Variants in PHF14 observed in about 807,000 individuals in gnomAD.
PHF14 encodes the protein PHD finger protein 14.
Under a neutral mutation model 117.9 loss-of-function variants are expected in PHF14, and 55 were observed. The ratio of observed to expected loss-of-function variants is 0.47; its 90% CI spans 0.38 to 0.58. PHF14 has a LOEUF of 0.58. Ranked by LOEUF, PHF14 falls within the 20% of genes least tolerant of loss-of-function variation. PHF14 has a pLI of 0.00. For synonymous variants in PHF14, 409 were observed against 368.6 expected, an observed-to-expected ratio of 1.11 and a Z score of -1.26; for missense variants, 978 against 1,122.2, an observed-to-expected ratio of 0.87 and a Z score of 1.84.
At chr7:10,992,641 C>T (rs1233155457) in intron 4 of PHF14, among the ~76,000 whole-genome samples, 2 of 151,848 alleles carry the variant, frequency 1.3e-5, no homozygotes, top group Non-Finnish European at 2.9e-5. Flanking sequence ...CCAGCCTGGG[C>T]GACAGAGGAA....
intron 17 of PHF14, among the ~76,000 whole-genome samples, chr7:11,122,352 T>TATATATATATATATATATATACACAC: frequency 1.3e-3 from 84 of 65,782 alleles, no homozygotes; most frequent in African/African-American, 3.1e-3. Flanking sequence ...TATATATATA[T>TATATATATATATATATATATACACAC]ACACACACAC....
intron 13 of PHF14, among the ~76,000 whole-genome samples, chr7:11,050,238 TTTGAAAA>T (rs1477653694): frequency 8.5e-5 from 13 of 152,166 alleles, no homozygotes; most frequent in African/African-American, 3.1e-4. Context: ...ATCATAAATC[TTTGAAAA>T]TACTTGCTAT....
At chr7:11,049,668 T>G (rs1367184508) in intron 13 of PHF14, among the ~76,000 whole-genome samples, 2 of 152,164 alleles carry the variant, frequency 1.3e-5, no homozygotes, top group African/African-American at 4.8e-5. Context: ...TTATTATTAG[T>G]TAACTAACAA....
At chr7:11,046,809 C>T (rs1784680082) in intron 13 of PHF14, among the ~76,000 whole-genome samples, 2 of 152,106 alleles carry the variant, frequency 1.3e-5, no homozygotes, top group South Asian at 4.1e-4. Flanking sequence ...TATGTAGGCA[C>T]CTGTCAAGAC....
intron 16 of PHF14, among the ~76,000 whole-genome samples, chr7:11,098,598 A>G (rs1174372753): frequency 6.6e-6 from 1 of 152,146 alleles, no homozygotes; most frequent in Non-Finnish European, 1.5e-5. Context: ...TGGAAAGTGC[A>G]CCATTGTCCT....
Position 11,036,707 on chromosome 7 carries a change from A to G in PHF14, c.1873+19A>G, listed in dbSNP as rs536988434. 41 of 1,595,990 alleles carry G rather than the reference A, an allele frequency of 2.6e-5. 2 individuals carry two copies. The South Asian group carries it at 4.3e-4, about 17-fold the overall frequency. ...TATTTTGGTCAGTATAGACACTGGT[A>G]CATGCACATTTTCACTGAGAACAAT... On this transcript the variant is annotated intron_variant, in intron 9 of 17. Transcript: ENST00000634607.
intron 14 of PHF14, among the ~76,000 whole-genome samples, chr7:11,060,255 T>C (rs1324251114): frequency 6.6e-6 from 1 of 152,238 alleles, no homozygotes; most frequent in Non-Finnish European, 1.5e-5. Context: ...AAATTTATTT[T>C]ATTAAAACAA....
chr7:10,974,285 C>T lies in PHF14; in HGVS notation c.-39C>T, dbSNP rs748644313. On this transcript the variant is annotated 5_prime_UTR_variant, in exon 1 of 18. Transcript: ENST00000634607. ...CGCTGCCTGGGCTCCTGCAGCCTCT[C>T]CCTAAGTCTTCTCCAAACGACCACC... The T allele has an allele frequency of 1.5e-5, 23 of 1,576,090 alleles. No homozygotes were observed. Among genetic ancestry groups the T allele is most frequent in the African/African-American group, 2.7e-5 (2 of 73,956 alleles).
chr7:11,110,788 G>A (rs1337058138), intron 16 of PHF14, among the ~76,000 whole-genome samples: 3 of 151,970 alleles, frequency 2.0e-5, no homozygotes, highest in African/African-American at 7.2e-5. Context: ...GTGTTAGCAT[G>A]CTATAAATGT....
chr7:11,062,300 T>C (rs2128329785), intron 16 of PHF14: 1 of 338,134 alleles, frequency 3.0e-6, no homozygotes, highest in East Asian at 4.8e-5. Flanking sequence ...ATAATCTGCC[T>C]GTTTAACACA....
At chr7:11,067,569 A>T (rs1470133408) in intron 16 of PHF14, among the ~76,000 whole-genome samples, 1 of 152,252 alleles carries the variant, frequency 6.6e-6, no homozygotes, top group Non-Finnish European at 1.5e-5. Context: ...AGTTCCACTG[A>T]TGGATTAAAG....
At chr7:11,124,831 C>A (rs1006746313) in intron 17 of PHF14, among the ~76,000 whole-genome samples, 47 of 152,130 alleles carry the variant, frequency 3.1e-4, no homozygotes, top group African/African-American at 1.0e-3. Context: ...TCATGTAAAA[C>A]TCAGATAATT....
At chr7:11,006,673 TG>T in intron 4 of PHF14, 1 of 624,200 alleles carries the variant, frequency 1.6e-6, no homozygotes, top group Non-Finnish European at 3.0e-6. Flanking sequence ...TTGTTTCTCC[TG>T]GGGGAGCTCT....
chr7:11,145,293 C>CGCT (rs1562485101), intron 17 of PHF14, among the ~76,000 whole-genome samples: 2 of 3,562 alleles, frequency 5.6e-4, no homozygotes, highest in African/African-American at 5.9e-3. Flanking sequence ...CTCTTTTTCT[C>CGCT]TCTTTTTTAA....
chr7:11,034,143 A>C (rs1053383390), intron 7 of PHF14, among the ~76,000 whole-genome samples: 1 of 152,102 alleles, frequency 6.6e-6, no homozygotes, highest in Non-Finnish European at 1.5e-5. Flanking sequence ...TTTAATATTA[A>C]GGACACATTA....
intron 16 of PHF14, among the ~76,000 whole-genome samples, chr7:11,084,086 C>G (rs1396671460): frequency 6.6e-6 from 1 of 152,090 alleles, no homozygotes; most frequent in Non-Finnish European, 1.5e-5. Flanking sequence ...GCATTACTAT[C>G]TGTTTAAAAT....
At chr7:10,988,405 A>T (rs1281122453) in intron 3 of PHF14, among the ~76,000 whole-genome samples, 3 of 152,200 alleles carry the variant, frequency 2.0e-5, no homozygotes, top group African/African-American at 4.8e-5. Flanking sequence ...CTTGTTTCCC[A>T]TATGGGTAAA....
chr7:10,994,315 T>G lies in PHF14; in HGVS notation c.1045+3468T>G, dbSNP rs2048202419. On this transcript the variant is annotated intron_variant, in intron 4 of 17. Coordinates refer to ENST00000634607, the MANE Select transcript of PHF14 (RefSeq NM_001007157.2). ...TTAGCTGGGCATGGTGGCATGTGCCTGTAGTCCTAGTTACTCAGGAGTCTG... is the reference window on the plus strand; with the variant it reads ...TTAGCTGGGCATGGTGGCATGTGCCGGTAGTCCTAGTTACTCAGGAGTCTG... Among the ~76,000 whole-genome samples the G allele has an allele frequency of 4.6e-5, 7 of 152,178 alleles. No individual in the cohort carries two copies. In the South Asian group the frequency reaches 1.5e-3, roughly 32 times the overall value.
chr7:10,992,384 C>T (rs1197299437), intron 4 of PHF14, among the ~76,000 whole-genome samples: 1 of 149,928 alleles, frequency 6.7e-6, no homozygotes, highest in African/African-American at 2.4e-5. Context: ...AGCAAAGGGC[C>T]GGGTGCAGTG....
Sources: gnomAD v4.1 joint callset for allele counts (sites outside exome capture counted in the v4.1 genomes callset) on GRCh38, gnomAD v4.1.1 for gene constraint, MANE v1.5 for transcripts, NCBI Gene and HGNC (gene_info 2026-07-23, HGNC 2026-07-21) for gene names.